Variants in NRXN3 observed in about 807,000 individuals in gnomAD.
The protein encoded by NRXN3 is neurexin 3, also known as neurexin III.
In NRXN3, 32 loss-of-function variants were observed where a neutral mutation model predicts 137.6. The observed-to-expected ratio is 0.23, with a 90% confidence interval of 0.18 to 0.31. NRXN3 has a LOEUF of 0.31. Among genes scored for constraint, NRXN3 ranks in the 10% least tolerant of loss-of-function variants. NRXN3 has a pLI of 1.00. For synonymous variants in NRXN3, 798 were observed against 784.5 expected (o/e 1.02, Z -0.29); for missense variants, 1,574 against 2,062.5 (o/e 0.76, Z 4.59).
chr14:79,600,837 C>A (rs892545498), intron 16 of NRXN3, among the ~76,000 whole-genome samples: 5 of 151,038 alleles, frequency 3.3e-5, no homozygotes, highest in Non-Finnish European at 7.4e-5. Context: ...AAGATGAGCC[C>A]GGAGAATCTG....
intron 4 of NRXN3, among the ~76,000 whole-genome samples, chr14:78,637,074 G>A (rs1452232609): frequency 6.6e-6 from 1 of 151,906 alleles, no homozygotes; most frequent in Admixed American, 6.6e-5. Context: ...TGGACCCCTG[G>A]TACAATACAA....
chr14:78,637,055 T>C (rs2097573584), intron 4 of NRXN3, among the ~76,000 whole-genome samples: 1 of 152,126 alleles, frequency 6.6e-6, no homozygotes, highest in African/African-American at 2.4e-5. Context: ...TAGCCATTTG[T>C]CCACCCACTG....
chr14:78,674,193 C>T (rs17835526), intron 6 of NRXN3, among the ~76,000 whole-genome samples: 12,681 of 152,230 alleles, frequency 0.083, 731 homozygotes, highest in Non-Finnish European at 0.11. Flanking sequence ...TCAGATTAAA[C>T]TCTGCTCACT....
chr14:78,311,771 C>A (rs565101804), intron 4 of NRXN3, among the ~76,000 whole-genome samples: 1 of 152,034 alleles, frequency 6.6e-6, no homozygotes, highest in South Asian at 2.1e-4. Context: ...TATAGGATTT[C>A]CTTGTATTAC....
chr14:79,517,092 G>GGCCCCCCC (rs2096994482), intron 16 of NRXN3, among the ~76,000 whole-genome samples: 1 of 124,684 alleles, frequency 8.0e-6, no homozygotes, highest in African/African-American at 3.4e-5. Flanking sequence ...CAAATGTACA[G>GGCCCCCCC]CCCCCCCCCC....
chr14:79,128,713 CCT>C (rs2056971802), intron 15 of NRXN3, among the ~76,000 whole-genome samples: 1 of 151,952 alleles, frequency 6.6e-6, no homozygotes, highest in African/African-American at 2.4e-5. Context: ...GGGAGGATTC[CCT>C]CTTTTTCTAT....
chr14:78,746,365 T>C (rs1435117711), intron 8 of NRXN3, among the ~76,000 whole-genome samples: 2 of 152,220 alleles, frequency 1.3e-5, no homozygotes, highest in East Asian at 1.9e-4. Context: ...GAGACCTTTA[T>C]GCTTTTTCAC....
At position 78,971,734 on chromosome 14, in the gene NRXN3, C is replaced by T. The variant is rs141059125; in HGVS notation, c.3142+3388C>T. Reference sequence around the variant, plus strand: ...CACTGCAACCTCCACCTCCCAGCTTCAAGCGAATCTGCTGCCTCAGCCTCC... The same window carrying T: ...CACTGCAACCTCCACCTCCCAGCTTTAAGCGAATCTGCTGCCTCAGCCTCC... On this transcript the variant is annotated intron_variant, in intron 14 of 20. Coordinates refer to ENST00000335750, the MANE Select transcript of NRXN3 (RefSeq NM_001330195.2). Among the ~76,000 whole-genome samples the T allele has an allele frequency of 8.3e-3, 1,266 of 152,226 alleles. 12 individuals carry two copies. The highest frequency in any genetic ancestry group is 0.029 in the African/African-American group (1,193 of 41,526).
chr14:79,068,435 T>A (rs571662971), intron 15 of NRXN3, among the ~76,000 whole-genome samples: 29 of 152,198 alleles, frequency 1.9e-4, no homozygotes, highest in African/African-American at 6.7e-4. Context: ...GCAAAAGCAA[T>A]TTCTAAGTCG....
rs563262152 is a variant in NRXN3 at position 78,997,328 on chromosome 14, A to G, written c.3262+9187A>G. On this transcript the variant is annotated intron_variant, in intron 15 of 20. Transcript: ENST00000335750. ...ACCATCTTCCACATGCTATATTTGT[A>G]GACCATTTTCATTGCTGTGTTTAAT... Among the ~76,000 whole-genome samples the G allele has an allele frequency of 1.2e-4, 18 of 152,320 alleles. No individual in the cohort carries two copies. The South Asian group carries it at 3.7e-3, about 32-fold the overall frequency.
In NRXN3 at chr14:79,267,360, ATTT is replaced by A. The variant is rs398043882; in HGVS notation, c.3263-199847_3263-199845del. Among the ~76,000 whole-genome samples, 8 of 143,008 alleles carry A rather than the reference ATTT, an allele frequency of 5.6e-5. 1 individual carries two copies. In the South Asian group the frequency reaches 1.1e-3, roughly 20 times the overall value. 93.8% of individuals were successfully genotyped at this position (143,008 alleles called of 152,430 possible). On this transcript the variant is annotated intron_variant, in intron 15 of 20. Coordinates refer to ENST00000335750, the MANE Select transcript of NRXN3 (RefSeq NM_001330195.2). ...CAATGATAAAATGAGAGATCATTTAATTTTTTTTTTTTTTTTGAGACAGAGTCT... is the reference window on the plus strand; with the variant it reads ...CAATGATAAAATGAGAGATCATTTAATTTTTTTTTTTTTGAGACAGAGTCT...
intron 16 of NRXN3, among the ~76,000 whole-genome samples, chr14:79,560,588 G>C (rs1474482813): frequency 2.3e-5 from 3 of 132,528 alleles, no homozygotes; most frequent in Admixed American, 9.6e-5. Context: ...TCGGCTCACT[G>C]CAACCTCCGC....
intron 16 of NRXN3, among the ~76,000 whole-genome samples, chr14:79,536,524 A>G (rs977319): frequency 0.86 from 130,696 of 151,738 alleles, 57,006 homozygotes; most frequent in South Asian, 0.95. Flanking sequence ...AGGTAAATGC[A>G]TTCCATGGTG....
intron 19 of NRXN3, among the ~76,000 whole-genome samples, chr14:79,787,453 A>AT (rs2099132559): frequency 6.6e-6 from 1 of 152,214 alleles, no homozygotes; most frequent in Non-Finnish European, 1.5e-5. Context: ...TAGGCAATTC[A>AT]TTATTAACTC....
intron 16 of NRXN3, among the ~76,000 whole-genome samples, chr14:79,470,665 G>A (rs1366413049): frequency 2.6e-5 from 4 of 152,146 alleles, no homozygotes; most frequent in African/African-American, 9.7e-5. Flanking sequence ...GAAGAGGACA[G>A]GGCTCTGCCT....
chr14:78,538,913 C>T (rs112681285), intron 4 of NRXN3, among the ~76,000 whole-genome samples: 2,376 of 152,202 alleles, frequency 0.016, 56 homozygotes, highest in African/African-American at 0.047. Flanking sequence ...TGATGGATTA[C>T]GTTTATTGAT....
chr14:78,630,723 T>C (rs1278387347), intron 4 of NRXN3, among the ~76,000 whole-genome samples: 1 of 151,698 alleles, frequency 6.6e-6, no homozygotes, highest in African/African-American at 2.4e-5. Flanking sequence ...TCCTGCCTCA[T>C]CTTCCAGAGT....
intron 4 of NRXN3, among the ~76,000 whole-genome samples, chr14:78,493,825 C>T (rs960485851): frequency 6.6e-6 from 1 of 152,186 alleles, no homozygotes; most frequent in South Asian, 2.1e-4. Context: ...TCAACACCTA[C>T]ACCAAACCAG....
chr14:79,583,391 T>A (rs192731354), intron 16 of NRXN3, among the ~76,000 whole-genome samples: 49 of 152,354 alleles, frequency 3.2e-4, no homozygotes, highest in African/African-American at 1.1e-3. Context: ...TGCCCCCTTT[T>A]TGCAGAAGTA....
Sources: allele counts gnomAD v4.1 joint callset (sites outside exome capture counted in the v4.1 genomes callset), GRCh38; gene constraint gnomAD v4.1.1; transcripts MANE v1.5; gene names NCBI Gene and HGNC (gene_info 2026-07-23, HGNC 2026-07-21).